Variants in PRMT8 observed in about 807,000 individuals in gnomAD.
PRMT8 encodes protein arginine methyltransferase 8.
PRMT8 carries 7 observed loss-of-function variants against 47.1 expected under a neutral mutation model. That is an observed-to-expected ratio of 0.15 (90% CI 0.08 to 0.28). PRMT8 has a LOEUF of 0.28. Among genes scored for constraint, PRMT8 ranks in the 10% least tolerant of loss-of-function variants. The pLI is 1.00. For synonymous variants in PRMT8, 188 were observed against 186.5 expected (o/e 1.01, Z -0.07); for missense variants, 237 against 505.4 (o/e 0.47, Z 5.09).
chr12:3,593,109 A>G lies in PRMT8; in HGVS notation c.1112A>G (p.Asp371Gly). 6.2e-7 allele frequency: 1 copy of G among 1,614,086 alleles called. No individual in the cohort carries two copies. ...KPNAKNVRDL[D>G]FTVDLDFKGQ... ...CTCTCTGCCTTGCAGCGAGACCTCG[A>G]TTTCACAGTAGACTTGGATTTTAAG... The change falls in exon 10 of 10, where the codon GAT becomes GGT. Residue 371 changes from aspartate (D) to glycine (G), a missense_variant. Asp to Gly is a moderately conservative substitution (Grantham distance 94). Around this residue, in one of 5 missense-constraint regions of PRMT8, gnomAD observed 151 missense variants for 341.1 expected, o/e 0.44. Coordinates refer to ENST00000382622, the MANE Select transcript of PRMT8 (RefSeq NM_019854.5). The surrounding 1 kb of genome is among the most constrained non-coding windows in gnomAD (Gnocchi z 4.8).
Position 3,569,776 on chromosome 12 carries a change from C to T in PRMT8, c.712+212C>T, listed in dbSNP as rs78934328. On this transcript the variant is annotated intron_variant, in intron 6 of 9. Transcript: ENST00000382622. The surrounding 1 kb of genome is among the most constrained non-coding windows in gnomAD (Gnocchi z 8.2). ...TACAGACAGAAAATAAGCCATATGG[C>T]TGGGATGAGAGAAATGTCCTGGGGT... Among the ~76,000 whole-genome samples, 1,952 of 152,244 alleles carry T rather than the reference C, an allele frequency of 0.013. 13 individuals carry two copies. Among genetic ancestry groups the T allele is most frequent in the Middle Eastern group, 0.024 (7 of 294 alleles).
At chr12:3,407,093 T>C (rs1392248429) in intron 1 of PRMT8, among the ~76,000 whole-genome samples, 2 of 152,150 alleles carry the variant, frequency 1.3e-5, no homozygotes, top group Non-Finnish European at 2.9e-5. Flanking sequence ...AGCAAACATG[T>C]CCTTCTTAAT....
At position 3,514,773 on chromosome 12, in the gene PRMT8, T is replaced by A. The variant is rs1865763634; in HGVS notation, c.75+23073T>A. Among the ~76,000 whole-genome samples, 1 of 152,152 alleles carries A rather than the reference T, an allele frequency of 6.6e-6. No homozygotes were observed. The highest frequency in any genetic ancestry group is 1.5e-5 in the Non-Finnish European group (1 of 68,034). ...CTCGGCCCCTCCCTATGGGGGTCAC[T>A]GTCGACCTGCTCTTTCCCCGACCTG... On this transcript the variant is annotated intron_variant, in intron 1 of 9. Transcript: ENST00000382622. This position sits in a 1 kb window ranked among gnomAD's most constrained non-coding sequence, Gnocchi z 5.9.
chr12:3,581,497 G>A (rs1591614768), intron 7 of PRMT8, among the ~76,000 whole-genome samples: 1 of 152,134 alleles, frequency 6.6e-6, no homozygotes, highest in South Asian at 2.1e-4. Flanking sequence ...TGCTCAGCAA[G>A]CACTAGATGG....
At chr12:3,541,814 T>A (rs1717121427) in intron 2 of PRMT8, among the ~76,000 whole-genome samples, 1 of 152,248 alleles carries the variant, frequency 6.6e-6, no homozygotes. Context: ...TTTTATATTA[T>A]TGGTTCATTT....
At chr12:3,467,538 C>G (rs1052026011) in intron 1 of PRMT8, among the ~76,000 whole-genome samples, 1 of 152,012 alleles carries the variant, frequency 6.6e-6, no homozygotes, top group African/African-American at 2.4e-5. Flanking sequence ...CTGTGGAAAC[C>G]CTTTGGTGAA....
chr12:3,461,891 C>T (rs1865046204), intron 1 of PRMT8, among the ~76,000 whole-genome samples: 1 of 151,996 alleles, frequency 6.6e-6, no homozygotes, highest in Non-Finnish European at 1.5e-5. Context: ...AAAACCAAAA[C>T]AAAACAAAAA....
intron 1 of PRMT8, among the ~76,000 whole-genome samples, chr12:3,444,638 C>T (rs1373960112): frequency 6.6e-6 from 1 of 152,196 alleles, no homozygotes; most frequent in Non-Finnish European, 1.5e-5. Context: ...CCAGGTCATG[C>T]CAGTTAGCAC....
chr12:3,559,177 G>T (rs1448778949), intron 4 of PRMT8, among the ~76,000 whole-genome samples: 3 of 152,044 alleles, frequency 2.0e-5, no homozygotes, highest in Non-Finnish European at 4.4e-5. Context: ...TACTCAAATT[G>T]TCCCTGATTT....
At position 3,583,895 on chromosome 12, in the gene PRMT8, G is replaced by A. The variant is rs886577744; in HGVS notation, c.979+687G>A. ...ACCCCACAGGTGGCCCAGCTACACC[G>A]AGCTCCTTGCTGACTTCTAAACTCA... On this transcript the variant is annotated intron_variant, in intron 8 of 9. Coordinates refer to ENST00000382622, the MANE Select transcript of PRMT8 (RefSeq NM_019854.5). The surrounding 1 kb of genome is among the most constrained non-coding windows in gnomAD (Gnocchi z 4.7). Among the ~76,000 whole-genome samples the A allele has an allele frequency of 5.9e-5, 9 of 152,286 alleles. No individual in the cohort carries two copies. Among genetic ancestry groups the A allele is most frequent in the African/African-American group, 9.6e-5 (4 of 41,554 alleles).
intron 1 of PRMT8, among the ~76,000 whole-genome samples, chr12:3,467,377 C>T (rs992991162): frequency 4.6e-5 from 7 of 152,208 alleles, no homozygotes; most frequent in South Asian, 2.1e-4. Flanking sequence ...CACAGACACC[C>T]GAGCAGTCTG....
chr12:3,441,492 C>T (rs1372873124), intron 1 of PRMT8, among the ~76,000 whole-genome samples: 6 of 152,196 alleles, frequency 3.9e-5, no homozygotes, highest in African/African-American at 9.7e-5. Flanking sequence ...TTACTGCCCG[C>T]GTGGCCATCA....
At chr12:3,526,744 T>G (rs1865954785) in intron 1 of PRMT8, among the ~76,000 whole-genome samples, 1 of 152,206 alleles carries the variant, frequency 6.6e-6, no homozygotes, top group East Asian at 1.9e-4. Flanking sequence ...TGAAATGATC[T>G]TTTTCTCAGT....
Position 3,592,953 on chromosome 12 carries a change from G to A in PRMT8, c.1102-146G>A, listed in dbSNP as rs575998959. ...GCAGCAGAATGGATTCCTGTGGGCT[G>A]TTCAGGGGAACCCCTTAGCCAGAAA... On this transcript the variant is annotated intron_variant, in intron 9 of 9. Coordinates refer to ENST00000382622, the MANE Select transcript of PRMT8 (RefSeq NM_019854.5). 160 of 680,046 alleles carry A rather than the reference G, an allele frequency of 2.4e-4. 1 individual carries two copies. In the African/African-American group the frequency reaches 2.6e-3, roughly 11 times the overall value. The allele number at this position is 680,046 out of a possible 1,614,324, so 42.1% of individuals were successfully genotyped here.
chr12:3,437,621 G>GATATATATATATATATATAT (rs1349097337), intron 1 of PRMT8, among the ~76,000 whole-genome samples: 1 of 38,416 alleles, frequency 2.6e-5, no homozygotes, highest in African/African-American at 7.6e-5. Context: ...GTGCATTCAG[G>GATATATATATATATATATAT]CTATATATAT....
intron 1 of PRMT8, among the ~76,000 whole-genome samples, chr12:3,451,594 C>T (rs1263857856): frequency 6.6e-6 from 1 of 152,190 alleles, no homozygotes; most frequent in Non-Finnish European, 1.5e-5. Flanking sequence ...AGGACTCAAA[C>T]TGGCCATGAG....
Position 3,593,211 on chromosome 12 carries a change from A to T in PRMT8, c.*29A>T. ...ACGTGGGAAGCTGCAGAGAGCAACG[A>T]GAAAAGGAACTCTCACCTCGATCTG... is the stretch of plus-strand genomic sequence containing the variant. On this transcript the variant is annotated 3_prime_UTR_variant, in exon 10 of 10. Coordinates refer to ENST00000382622, the MANE Select transcript of PRMT8 (RefSeq NM_019854.5). The surrounding 1 kb of genome is among the most constrained non-coding windows in gnomAD (Gnocchi z 4.8). The T allele has an allele frequency of 6.3e-7, 1 of 1,580,776 alleles. No individual in the cohort carries two copies. The highest frequency in any genetic ancestry group is 1.1e-5 in the South Asian group (1 of 89,672).
At chr12:3,497,260 G>A (rs1865525204) in intron 1 of PRMT8, among the ~76,000 whole-genome samples, 1 of 152,172 alleles carries the variant, frequency 6.6e-6, no homozygotes, top group African/African-American at 2.4e-5. Flanking sequence ...GATAGAGTGA[G>A]CACAGGCAAG....
At chr12:3,497,452 T>G (rs76278674) in intron 1 of PRMT8, among the ~76,000 whole-genome samples, 3,643 of 152,356 alleles carry the variant, frequency 0.024, 54 homozygotes, top group East Asian at 0.08. Context: ...CCTCTTCGAT[T>G]GCAATCTGAG....
Sources: allele counts gnomAD v4.1 joint callset (sites outside exome capture counted in the v4.1 genomes callset), GRCh38; gene constraint gnomAD v4.1.1; regional missense constraint gnomAD v4.1.1; non-coding constraint Gnocchi (gnomAD v3.1); transcripts MANE v1.5; gene names NCBI Gene and HGNC (gene_info 2026-07-23, HGNC 2026-07-21).